MCFD2: variants seen among roughly 807,000 people sequenced by gnomAD.
The protein encoded by MCFD2 is multiple coagulation factor deficiency 2, ER cargo receptor complex subunit, also known as multiple coagulation factor deficiency protein 2.
In MCFD2, 11 loss-of-function variants were observed where a neutral mutation model predicts 12.8. The observed-to-expected ratio is 0.86, with a 90% confidence interval of 0.54 to 1.42. MCFD2 has a LOEUF of 1.42. MCFD2 is among the 40% of genes most tolerant of loss of function. The pLI, the probability that MCFD2 is intolerant of heterozygous loss-of-function variation, is 0.00. For synonymous variants in MCFD2, 70 were observed against 68.1 expected (o/e 1.03, Z -0.14); for missense variants, 191 against 178.6 (o/e 1.07, Z -0.40).
rs1668303645 is a variant in MCFD2, at chr2:46,907,759, C to T, written c.309+51G>A. The T allele has an allele frequency of 6.3e-7, 1 of 1,596,816 alleles. No homozygotes were observed. Among genetic ancestry groups the T allele is most frequent in the African/African-American group, 1.3e-5 (1 of 74,592 alleles). ...TCAACAAGACTGGGGACCAAATTAA[C>T]AAAGGGAAGCCTTTCTGTGATACAG... is the stretch of plus-strand genomic sequence containing the variant. On this transcript the variant is annotated intron_variant, in intron 3 of 3. Coordinates refer to ENST00000319466, the MANE Select transcript of MCFD2 (RefSeq NM_139279.6). The surrounding 1 kb of genome is among the most constrained non-coding windows in gnomAD (Gnocchi z 4.1).
chr2:46,920,650 A>G (rs891409762), upstream of MCFD2, among the ~76,000 whole-genome samples: 5 of 73,658 alleles, frequency 6.8e-5, no homozygotes, highest in African/African-American at 1.4e-4. Context: ...GGCTTTTTTG[A>G]AAAAAAAAAA....
At chr2:46,915,855 G>A, upstream of MCFD2, 2 of 881,398 alleles carry the variant, frequency 2.3e-6, no homozygotes, top group African/African-American at 2.1e-5. Context: ...CGCGCTCCCT[G>A]CCGCCCGCCC....
chr2:46,920,265 CTCA>C (rs1440461488), upstream of MCFD2, among the ~76,000 whole-genome samples: 1 of 152,130 alleles, frequency 6.6e-6, no homozygotes, highest in Non-Finnish European at 1.5e-5. Flanking sequence ...GCTCTCCTTT[CTCA>C]TCATGTTGTT....
intron 1 of MCFD2, among the ~76,000 whole-genome samples, chr2:46,913,219 T>C (rs927014535): frequency 1.3e-5 from 2 of 151,832 alleles, no homozygotes; most frequent in African/African-American, 2.4e-5. Context: ...TCGATAAACA[T>C]AAAGAAAAAA....
intron 1 of MCFD2, among the ~76,000 whole-genome samples, chr2:46,923,877 C>T (rs143035720): frequency 0.033 from 4,971 of 152,054 alleles, 103 homozygotes; most frequent in Non-Finnish European, 0.047. Context: ...GGATTACAGG[C>T]GCCTGCCACC....
chr2:46,912,649 C>G (rs1008049738), intron 1 of MCFD2: 1 of 152,244 alleles, frequency 6.6e-6, no homozygotes, highest in African/African-American at 2.4e-5. Flanking sequence ...CCGTCCACAG[C>G]TGATGACAGC....
chr2:46,906,113 G>A (rs945893661), intron 3 of MCFD2: 5 of 425,600 alleles, frequency 1.2e-5, no homozygotes, highest in African/African-American at 1.0e-4. Flanking sequence ...CAAGAGCAGG[G>A]TTAGTGGGCT....
chr2:46,920,973 T>TAA (rs34487440), intron 1 of MCFD2, among the ~76,000 whole-genome samples: 59 of 139,206 alleles, frequency 4.2e-4, no homozygotes, highest in African/African-American at 1.2e-3. Flanking sequence ...CTATTCATGA[T>TAA]AAAAAAAAAA....
At chr2:46,927,655 C>A (rs116316838) in intron 1 of MCFD2, among the ~76,000 whole-genome samples, 2,073 of 150,918 alleles carry the variant, frequency 0.014, 45 homozygotes, top group African/African-American at 0.048. Context: ...CTACCGCGCC[C>A]GGCAAAAAAA....
chr2:46,929,545 A>G (rs7604228), intron 1 of MCFD2, among the ~76,000 whole-genome samples: 22,945 of 152,210 alleles, frequency 0.15, 2,701 homozygotes, highest in African/African-American at 0.33. Flanking sequence ...GTCAAATAAG[A>G]TATCATAAAG....
chr2:46,903,098 T>A lies in MCFD2; in HGVS notation c.*2365A>T, dbSNP rs1201825977. The A allele has an allele frequency of 2.6e-5, 4 of 152,224 alleles. No homozygotes were observed. The highest frequency in any genetic ancestry group is 9.7e-5 in the African/African-American group (4 of 41,446). The allele number at this position is 152,224 out of a possible 1,614,324, so 9.4% of individuals were successfully genotyped here. A position where few individuals can be genotyped will look rare whatever the true frequency, so the allele number is the denominator to read the frequency against. On this transcript the variant is annotated 3_prime_UTR_variant, in exon 4 of 4. Coordinates refer to ENST00000319466, the MANE Select transcript of MCFD2 (RefSeq NM_139279.6). ...TGGGACAGACCCAGGGGGAGGTAAT[T>A]GAATCATGGGGGCCAGTCTTTCCCG...
rs55872217 is a variant in MCFD2 at position 46,908,413 on chromosome 2, G to C, written c.150-444C>G. ...GTAGCTGGGACCATAGGCATGTACT[G>C]CCACATCCAGCTAATTTTTTGCAAT... is the stretch of plus-strand genomic sequence containing the variant. On this transcript the variant is annotated intron_variant, in intron 2 of 3. Transcript: ENST00000319466. This position sits in a 1 kb window ranked among gnomAD's most constrained non-coding sequence, Gnocchi z 4.5. The C allele has an allele frequency of 0.045, 12,168 of 273,414 alleles. 485 individuals carry two copies. The highest frequency in any genetic ancestry group is 0.11 in the African/African-American group (4,725 of 44,088). The allele number at this position is 273,414 out of a possible 1,614,324, so 16.9% of individuals were successfully genotyped here.
At position 46,940,830 on chromosome 2, in the gene MCFD2, C is replaced by G. The variant is rs1670267555; in HGVS notation, c.-8+742G>C. The stretch of plus-strand genomic sequence containing the variant: ...GGCAGGCCAGCTCCCGGGAGGCTCG[C>G]CGTCGGGGTTGGGGCCTGTCGGCCG... On this transcript the variant is annotated intron_variant, in intron 1 of 2. Transcript: ENST00000409147. The surrounding 1 kb of genome is among the most constrained non-coding windows in gnomAD (Gnocchi z 4.7). 6.6e-6 allele frequency among the ~76,000 whole-genome samples: 1 copy of G among 152,110 alleles called. No homozygotes were observed. The highest frequency in any genetic ancestry group is 6.5e-5 in the Admixed American group (1 of 15,286).
chr2:46,934,902 G>T (rs1669899131), intron 1 of MCFD2, among the ~76,000 whole-genome samples: 1 of 144,242 alleles, frequency 6.9e-6, no homozygotes, highest in Admixed American at 7.4e-5. Context: ...CCGGGTTCAA[G>T]CGATTCTCTT....
intron 1 of MCFD2, among the ~76,000 whole-genome samples, chr2:46,927,072 A>G (rs1669421332): frequency 6.6e-6 from 1 of 152,228 alleles, no homozygotes; most frequent in Non-Finnish European, 1.5e-5. Flanking sequence ...AAGAGAGACA[A>G]AAAGATAGAA....
chr2:46,927,956 C>T (rs1007441739), intron 1 of MCFD2, among the ~76,000 whole-genome samples: 7 of 135,208 alleles, frequency 5.2e-5, no homozygotes, highest in Non-Finnish European at 9.1e-5. Flanking sequence ...TATAGTGGCA[C>T]GGTCATGGCT....
chr2:46,915,806 G>GGGGGGGGGGGGGC, upstream of MCFD2: 8 of 512,566 alleles, frequency 1.6e-5, no homozygotes, highest in Non-Finnish European at 1.3e-5. Context: ...CCTCGGCTTC[G>GGGGGGGGGGGGGC]CCCCGCCCCC....
In MCFD2 at chr2:46,915,804, T is replaced by TCGGGGGGGGGGGGGGGGGGG; in HGVS notation, c.-89_-88insCCCCCCCCCCCCCCCCCCCG. On this transcript the variant is annotated 5_prime_UTR_variant, in exon 1 of 4. Coordinates refer to ENST00000319466, the MANE Select transcript of MCFD2 (RefSeq NM_139279.6). ...GTCCCCAAAACGCTCTTCCTCGGCT[T>TCGGGGGGGGGGGGGGGGGGG]CGCCCCGCCCCCCCCCCCCCCCCGA... The TCGGGGGGGGGGGGGGGGGGG allele has an allele frequency of 3.5e-6, 2 of 568,428 alleles. No individual in the cohort carries two copies. Among genetic ancestry groups the TCGGGGGGGGGGGGGGGGGGG allele is most frequent in the Non-Finnish European group, 3.9e-6 (2 of 510,734 alleles). The allele number at this position is 568,428 out of a possible 1,614,324, so 35.2% of individuals were successfully genotyped here.
At chr2:46,919,709 CAG>C (rs966946389), upstream of MCFD2, among the ~76,000 whole-genome samples, 4 of 152,190 alleles carry the variant, frequency 2.6e-5, no homozygotes, top group African/African-American at 4.8e-5. Context: ...TTCCTTCTAA[CAG>C]GGAGTAGGAT....
Sources: allele counts gnomAD v4.1 joint callset (sites outside exome capture counted in the v4.1 genomes callset), GRCh38; gene constraint gnomAD v4.1.1; non-coding constraint Gnocchi (gnomAD v3.1); transcripts MANE v1.5; gene names NCBI Gene and HGNC (gene_info 2026-07-23, HGNC 2026-07-21).